PTPN13: variants seen among roughly 807,000 people sequenced by gnomAD.
PTPN13 encodes the protein protein tyrosine phosphatase non-receptor type 13.
In PTPN13, 191 loss-of-function variants were observed where a neutral mutation model predicts 284.0. The ratio of observed to expected loss-of-function variants is 0.67; its 90% CI spans 0.60 to 0.76. The LOEUF (loss-of-function observed/expected upper bound fraction) is 0.76. PTPN13 is among the 30% of genes least tolerant of loss of function. The pLI, the probability that PTPN13 is intolerant of heterozygous loss-of-function variation, is 0.00. For missense variants in PTPN13, 2,797 were observed against 2,939.9 expected, an observed-to-expected ratio of 0.95 and a Z score of 1.12; for synonymous variants, 986 against 1,022.3, an observed-to-expected ratio of 0.96 and a Z score of 0.68.
At chr4:86,761,148 A>ATATATATAT (rs1236097878) in intron 23 of PTPN13, among the ~76,000 whole-genome samples, 2 of 143,476 alleles carry the variant, frequency 1.4e-5, no homozygotes, top group Non-Finnish European at 3.1e-5. Flanking sequence ...AAATATATAT[A>ATATATATAT]TATATATATA....
At position 86,616,857 on chromosome 4, in the gene PTPN13, A is replaced by G. The variant is rs149957925; in HGVS notation, c.-5-18395A>G. Among the ~76,000 whole-genome samples, 511 of 152,296 alleles carry G rather than the reference A, an allele frequency of 3.4e-3. 1 individual carries two copies. Among genetic ancestry groups the G allele is most frequent in the African/African-American group, 0.012 (494 of 41,558 alleles). Reference sequence around the variant, plus strand: ...CTCAGATATTTCTTTACAGCAATGCAAGAACAGCCTAATACAGGAGTGTTC... The same window carrying G: ...CTCAGATATTTCTTTACAGCAATGCGAGAACAGCCTAATACAGGAGTGTTC... On this transcript the variant is annotated intron_variant, in intron 1 of 47. Transcript: ENST00000411767.
At chr4:86,597,703 C>G (rs994698150) in intron 1 of PTPN13, among the ~76,000 whole-genome samples, 2 of 152,174 alleles carry the variant, frequency 1.3e-5, no homozygotes, top group African/African-American at 2.4e-5. Context: ...CAACCCTGTT[C>G]CCAAGAATGT....
intron 27 of PTPN13, among the ~76,000 whole-genome samples, chr4:86,767,265 G>A (rs1193938479): frequency 7.0e-6 from 1 of 142,008 alleles, no homozygotes; most frequent in Non-Finnish European, 1.5e-5. Flanking sequence ...TTTTAATTGA[G>A]ATGGAATTTC....
intron 19 of PTPN13, among the ~76,000 whole-genome samples, chr4:86,751,656 T>G (rs1304032517): frequency 6.6e-6 from 1 of 152,146 alleles, no homozygotes; most frequent in Non-Finnish European, 1.5e-5. Context: ...CATGACAGTC[T>G]TACTAAGACT....
chr4:86,756,890 A>C (rs149308537), intron 20 of PTPN13, among the ~76,000 whole-genome samples: 2 of 152,192 alleles, frequency 1.3e-5, no homozygotes, highest in Non-Finnish European at 2.9e-5. Flanking sequence ...TCTGGCTTAC[A>C]GTTTAGTGAA....
At chr4:86,699,386 C>A (rs570907055) in intron 6 of PTPN13, among the ~76,000 whole-genome samples, 1 of 151,450 alleles carries the variant, frequency 6.6e-6, no homozygotes, top group Non-Finnish European at 1.5e-5. Context: ...ACTCTATCCC[C>A]CCTCCAAAAA....
chr4:86,629,497 G>A (rs980317016), intron 1 of PTPN13, among the ~76,000 whole-genome samples: 1 of 152,046 alleles, frequency 6.6e-6, no homozygotes, highest in Non-Finnish European at 1.5e-5. Context: ...TACACTGTTG[G>A]TGGGACTGTG....
Position 86,807,824 on chromosome 4 carries a change from T to C in PTPN13, c.7010T>C (p.Leu2337Pro). 1 of 1,614,036 alleles carries C rather than the reference T, an allele frequency of 6.2e-7. No individual in the cohort carries two copies. The highest frequency in any genetic ancestry group is 8.5e-7 in the Non-Finnish European group (1 of 1,179,888). The change falls in exon 45 of 48, where the codon CTT becomes CCT. Residue 2337 changes from leucine to proline, a missense_variant. Physicochemically the swap from Leu to Pro is moderately conservative, Grantham distance 98 (BLOSUM62 -3). Coordinates refer to ENST00000411767, the MANE Select transcript of PTPN13 (RefSeq NM_080683.3). The part of the protein sequence containing the change: ...LGKTTMVSNR[L>P]RLALVRMQQL... ...AAAACAACAATGGTCAGCAACAGAC[T>C]TCGACTGGCTCTTGTGAGAATGCAG...
chr4:86,674,521 A>G (rs1353461534), intron 3 of PTPN13, among the ~76,000 whole-genome samples: 1 of 152,214 alleles, frequency 6.6e-6, no homozygotes, highest in African/African-American at 2.4e-5. Context: ...GATTTGAGCC[A>G]TCAATTATGT....
chr4:86,815,116 TCA>T lies in PTPN13; in HGVS notation c.*567_*568del, dbSNP rs1161125970. Reference sequence around the variant, plus strand: ...GCATCATCTGTTTGTAATCATTATCTCACTTTGTAAATAAAAACACACCTTAA... The same window carrying T: ...GCATCATCTGTTTGTAATCATTATCTCTTTGTAAATAAAAACACACCTTAA... On this transcript the variant is annotated 3_prime_UTR_variant, in exon 48 of 48. Transcript: ENST00000411767. The T allele has an allele frequency of 1.3e-5, 2 of 152,670 alleles. No homozygotes were observed. Among genetic ancestry groups the T allele is most frequent in the East Asian group, 3.8e-4 (2 of 5,198 alleles). 9.5% of individuals were successfully genotyped at this position (152,670 alleles called of 1,614,324 possible).
At chr4:86,812,742 AAGG>A (rs946373900) in intron 47 of PTPN13, among the ~76,000 whole-genome samples, 3 of 152,124 alleles carry the variant, frequency 2.0e-5, no homozygotes, top group East Asian at 1.9e-4. Flanking sequence ...AGGAAGAGTG[AAGG>A]AGGAGGTGAG....
At chr4:86,715,949 T>A (rs1732963966) in intron 7 of PTPN13, among the ~76,000 whole-genome samples, 1 of 152,180 alleles carries the variant, frequency 6.6e-6, no homozygotes. Context: ...CAGTGCACAC[T>A]CTGCACAAAC....
At chr4:86,605,221 A>G (rs1224899643) in intron 1 of PTPN13, among the ~76,000 whole-genome samples, 1 of 151,986 alleles carries the variant, frequency 6.6e-6, no homozygotes, top group Non-Finnish European at 1.5e-5. Flanking sequence ...GTAAAGGACC[A>G]ATAGTTCCAG....
At chr4:86,739,922 A>G (rs1024226506) in intron 15 of PTPN13, among the ~76,000 whole-genome samples, 6 of 152,212 alleles carry the variant, frequency 3.9e-5, no homozygotes, top group African/African-American at 9.6e-5. Flanking sequence ...GGGCAGGCAA[A>G]CCTTAAAGCT....
intron 1 of PTPN13, among the ~76,000 whole-genome samples, chr4:86,596,567 G>A (rs1397176758): frequency 2.0e-5 from 3 of 152,156 alleles, no homozygotes; most frequent in Non-Finnish European, 4.4e-5. Flanking sequence ...ATTTGTTTTG[G>A]AGTAGATAAT....
In PTPN13 at chr4:86,762,720, C is replaced by G. The variant is rs1227230299; in HGVS notation, c.3554-7C>G. On this transcript the variant is annotated splice_region_variant and splice_polypyrimidine_tract_variant and intron_variant, in intron 23 of 47. Coordinates refer to ENST00000411767, the MANE Select transcript of PTPN13 (RefSeq NM_080683.3). ...TGTTACTCTCATTGATGGATTTTGA[C>G]TTTTAGTGCCTTCTACTCCTGTGCA... 31 of 1,578,634 alleles carry G rather than the reference C, an allele frequency of 2.0e-5. No homozygotes were observed. Among genetic ancestry groups the G allele is most frequent in the Non-Finnish European group, 2.6e-5 (30 of 1,152,496 alleles).
chr4:86,649,958 G>A (rs1336074251), intron 2 of PTPN13, among the ~76,000 whole-genome samples: 3 of 152,020 alleles, frequency 2.0e-5, no homozygotes, highest in African/African-American at 7.2e-5. Context: ...ATTTTTGTGT[G>A]TCCTCTTCAA....
Position 86,757,762 on chromosome 4 carries a change from C to CAAAA in PTPN13, c.3224-485_3224-482dup, listed in dbSNP as rs542129918. ...TGAGTAGCAAAGCAAGACTCTGTCTCAAAAAAAAAAAAAAAATCCAGTTTC... is the reference window on the plus strand; with the variant it reads ...TGAGTAGCAAAGCAAGACTCTGTCTCAAAAAAAAAAAAAAAAAAAATCCAGTTTC... On this transcript the variant is annotated intron_variant, in intron 20 of 47. Transcript: ENST00000411767. Among the ~76,000 whole-genome samples, 87 of 112,518 alleles carry CAAAA rather than the reference C, an allele frequency of 7.7e-4. 3 individuals are homozygous for CAAAA. Among genetic ancestry groups the CAAAA allele is most frequent in the African/African-American group, 2.7e-3 (78 of 28,468 alleles). 73.8% of individuals were successfully genotyped at this position (112,518 alleles called of 152,430 possible). A position where few individuals can be genotyped will look rare whatever the true frequency, so the allele number is the denominator to read the frequency against.
At chr4:86,639,827 A>T (rs1015804525) in intron 2 of PTPN13, among the ~76,000 whole-genome samples, 2 of 130,864 alleles carry the variant, frequency 1.5e-5, no homozygotes, top group Admixed American at 1.5e-4. Flanking sequence ...CTTAAAGTAT[A>T]AAAAAAAAAA....
Sources: gnomAD v4.1 joint callset for allele counts (sites outside exome capture counted in the v4.1 genomes callset) on GRCh38, gnomAD v4.1.1 for gene constraint, MANE v1.5 for transcripts, NCBI Gene and HGNC (gene_info 2026-07-23, HGNC 2026-07-21) for gene names.